The following ACP3 variants were observed in gnomAD, a reference collection of about 807,000 sequenced individuals.
ACP3 encodes prostatic acid phosphatase.
Under a neutral mutation model 45.6 loss-of-function variants are expected in ACP3, and 38 were observed. That is an observed-to-expected ratio of 0.83 (90% CI 0.64 to 1.09). The LOEUF (loss-of-function observed/expected upper bound fraction) is 1.09, where lower values mean the gene tolerates loss of function less well. Ranked by LOEUF, ACP3 falls within the 50% of genes least tolerant of loss-of-function variation. ACP3 has a pLI of 0.00. For synonymous variants in ACP3, 162 were observed against 164.7 expected (o/e 0.98, Z 0.13); for missense variants, 466 against 463.2 (o/e 1.01, Z -0.05).
Position 132,342,617 on chromosome 3 carries a change from TAA to T in ACP3, c.623_624del (p.Lys208SerfsTer8), listed in dbSNP as rs1426082369. On this transcript the variant is annotated frameshift_variant, in exon 6 of 10. Transcript: ENST00000336375. LOFTEE classifies it high-confidence loss of function. Reference sequence around the variant, plus strand: ...GCCAGGACCTTTTTGGAATTTGGAGTAAAGTCTACGACCCTTTATATTGTGAG... The same window carrying T: ...GCCAGGACCTTTTTGGAATTTGGAGTAGTCTACGACCCTTTATATTGTGAG... Reference protein sequence around the residue: ...HGQDLFGIWSKVYDPLYCESV... With the variant: ...HGQDLFGIWSXVYDPLYCESV... The T allele has an allele frequency of 3.1e-6, 5 of 1,609,536 alleles. No individual in the cohort carries two copies. The highest frequency in any genetic ancestry group is 4.2e-6 in the Non-Finnish European group (5 of 1,178,374).
chr3:132,358,693 TG>T lies in ACP3; in HGVS notation c.*1816del. 1 of 1,021,740 alleles carries T rather than the reference TG, an allele frequency of 9.8e-7. No homozygotes were observed. Among genetic ancestry groups the T allele is most frequent in the South Asian group, 3.6e-5 (1 of 27,638 alleles). 63.3% of individuals were successfully genotyped at this position (1,021,740 alleles called of 1,614,324 possible). On this transcript the variant is annotated 3_prime_UTR_variant, in exon 10 of 10. Transcript: ENST00000336375. ...TGTCCTTGGGTCCATTTTCTATGCT[TG>T]TAACTGTCTTCTAGCAGTGAGCCAA...
At position 132,332,399 on chromosome 3, in the gene ACP3, A is replaced by G. The variant is rs1222004678; in HGVS notation, c.456+55A>G. ...CAGATGGACCTAGAATGAGGAAGGC[A>G]GGCTACTCAACAGTTGTGGATTTGG... On this transcript the variant is annotated intron_variant, in intron 4 of 9. Transcript: ENST00000336375. The G allele has an allele frequency of 1.9e-6, 3 of 1,597,800 alleles. No individual in the cohort carries two copies. The African/African-American group carries it at 4.0e-5, about 21-fold the overall frequency.
At chr3:132,367,728 C>G in exon 11 of ACP3, 1 of 1,613,418 alleles carries the variant, frequency 6.2e-7, no homozygotes, top group Non-Finnish European at 8.5e-7. Flanking sequence ...TTTGCTGTTG[C>G]CTTTTGCCTG....
At chr3:132,323,642 G>A (rs1168517237) in intron 1 of ACP3, among the ~76,000 whole-genome samples, 2 of 152,134 alleles carry the variant, frequency 1.3e-5, no homozygotes, top group East Asian at 3.9e-4. Flanking sequence ...AAGCAGACAG[G>A]ACATCAAGAG....
At chr3:132,339,319 C>T (rs1322636031) in intron 5 of ACP3, among the ~76,000 whole-genome samples, 1 of 152,098 alleles carries the variant, frequency 6.6e-6, no homozygotes, top group Non-Finnish European at 1.5e-5. Context: ...CTTCTGTGAC[C>T]AAATATGGGG....
At chr3:132,337,775 C>T (rs540771220) in intron 5 of ACP3, among the ~76,000 whole-genome samples, 44 of 152,328 alleles carry the variant, frequency 2.9e-4, no homozygotes, top group African/African-American at 1.0e-3. Flanking sequence ...CAAGCCAGTC[C>T]TTTTGAATCC....
At chr3:132,329,046 C>T (rs1164589839) in intron 2 of ACP3, among the ~76,000 whole-genome samples, 8 of 152,190 alleles carry the variant, frequency 5.3e-5, no homozygotes, top group Non-Finnish European at 1.2e-4. Flanking sequence ...GCCCTACTTT[C>T]TGAAGAGCAT....
chr3:132,319,098 A>C (rs1214132792), intron 1 of ACP3, among the ~76,000 whole-genome samples: 1 of 152,232 alleles, frequency 6.6e-6, no homozygotes, highest in Non-Finnish European at 1.5e-5. Flanking sequence ...GCACAAAGCC[A>C]GTGTTAACTA....
intron 8 of ACP3, among the ~76,000 whole-genome samples, chr3:132,352,489 C>T (rs534342891): frequency 4.6e-5 from 7 of 152,180 alleles, no homozygotes; most frequent in Non-Finnish European, 1.0e-4. Context: ...TGAGCTACCA[C>T]GCCCAGCCAA....
downstream of ACP3, among the ~76,000 whole-genome samples, chr3:132,362,284 T>C (rs1486112738): frequency 6.6e-6 from 1 of 152,186 alleles, no homozygotes; most frequent in Admixed American, 6.5e-5. Context: ...CCTAACACTT[T>C]CCAACATCCT....
At chr3:132,319,899 G>A (rs559130031) in intron 1 of ACP3, among the ~76,000 whole-genome samples, 11 of 152,238 alleles carry the variant, frequency 7.2e-5, no homozygotes, top group East Asian at 1.9e-4. Flanking sequence ...TCTGTGATCC[G>A]AGAAAAATAA....
At chr3:132,362,905 T>C (rs1938069068), downstream of ACP3, among the ~76,000 whole-genome samples, 1 of 152,168 alleles carries the variant, frequency 6.6e-6, no homozygotes, top group African/African-American at 2.4e-5. Flanking sequence ...GGAAAGGTTT[T>C]AGGCAGAGGA....
chr3:132,320,654 T>G (rs371963766), intron 1 of ACP3, among the ~76,000 whole-genome samples: 20,252 of 63,164 alleles, frequency 0.32, 1,223 homozygotes, highest in African/African-American at 0.39. Context: ...ATTCTTGGGT[T>G]TTTTTTTTTT....
At chr3:132,344,064 G>A (rs1299977689) in intron 6 of ACP3, among the ~76,000 whole-genome samples, 2 of 152,128 alleles carry the variant, frequency 1.3e-5, no homozygotes, top group South Asian at 2.1e-4. Context: ...GATTGCCTGA[G>A]CTCAGGAGTT....
chr3:132,317,748 A>G (rs1937136140), intron 1 of ACP3, among the ~76,000 whole-genome samples, 172 bp downstream of exon 1: 1 of 152,220 alleles, frequency 6.6e-6, no homozygotes, highest in African/African-American at 2.4e-5. Flanking sequence ...TGAAGACCTA[A>G]CGTGTCCTAA....
In ACP3 at chr3:132,364,344, T is replaced by C. The variant is rs192088379; in HGVS notation, c.1139-3360T>C. 2.1e-3 allele frequency among the ~76,000 whole-genome samples: 315 copies of C among 147,338 alleles called. 2 individuals are homozygous for C. The highest frequency in any genetic ancestry group is 7.2e-3 in the African/African-American group (283 of 39,302). On this transcript the variant is annotated intron_variant, in intron 10 of 10. Coordinates refer to the ACP3 transcript ENST00000351273. ...GCCTGAGCAATGCAGTGAGACCCTA[T>C]CTCAAAAAACAAAAACAAAAACAAA...
At chr3:132,327,697 T>C (rs1189665403) in intron 1 of ACP3, among the ~76,000 whole-genome samples, 1 of 151,852 alleles carries the variant, frequency 6.6e-6, no homozygotes, top group African/African-American at 2.4e-5. Flanking sequence ...CAAGCGCCTG[T>C]AGTCCCAGCT....
chr3:132,336,000 C>T (rs1212229934), intron 4 of ACP3, among the ~76,000 whole-genome samples: 1 of 152,188 alleles, frequency 6.6e-6, no homozygotes, highest in Admixed American at 6.5e-5. Context: ...GTGGCTCACG[C>T]CTGTAATCCC....
exon 11 of ACP3, chr3:132,367,984 G>A (rs1938158796): frequency 8.3e-6 from 5 of 599,446 alleles, no homozygotes; most frequent in South Asian, 8.0e-5. Context: ...CCCACAGGCT[G>A]CTGCTGGATG....
Sources: allele counts gnomAD v4.1 joint callset (sites outside exome capture counted in the v4.1 genomes callset), GRCh38; gene constraint gnomAD v4.1.1; transcripts MANE v1.5; gene names NCBI Gene and HGNC (gene_info 2026-07-23, HGNC 2026-07-21).